FGD3: variants seen among roughly 807,000 people sequenced by gnomAD.
The protein encoded by FGD3 is FYVE, RhoGEF and PH domain containing 3.
FGD3 carries 45 observed loss-of-function variants against 71.8 expected under a neutral mutation model. The ratio of observed to expected loss-of-function variants is 0.63; its 90% confidence interval spans 0.49 to 0.80. The LOEUF is 0.80. FGD3 is among the 30% of genes least tolerant of loss of function. The pLI, the probability that FGD3 is intolerant of heterozygous loss-of-function variation, is 0.00. For missense variants in FGD3, 844 were observed against 951.5 expected (o/e 0.89, Z 1.49); for synonymous variants, 378 against 392.8 (o/e 0.96, Z 0.44).
chr9:92,990,939 A>G (rs914348020), intron 3 of FGD3, among the ~76,000 whole-genome samples: 3 of 152,144 alleles, frequency 2.0e-5, no homozygotes, highest in Non-Finnish European at 4.4e-5. Flanking sequence ...TTGTAAAATG[A>G]GTTAGGAAGA....
At chr9:93,022,812 G>T (rs1385864509) in intron 14 of FGD3, among the ~76,000 whole-genome samples, 1 of 152,110 alleles carries the variant, frequency 6.6e-6, no homozygotes, top group East Asian at 1.9e-4. Context: ...TAATGCAGAG[G>T]ACTGCTTAGT....
rs769761934 is a variant in FGD3, at chr9:93,006,162, C to T, written c.819C>T (p.Asp273=). Residue 273 remains aspartate (D), a synonymous_variant, in exon 6 of 18, where the codon GAC becomes GAT. Transcript: ENST00000375482. ...CCCAGCGCTCCCCACTGTTTAAAGACGTCGTCCACAGCATCCAGGTAAGGC... is the reference window on the plus strand; with the variant it reads ...CCCAGCGCTCCCCACTGTTTAAAGATGTCGTCCACAGCATCCAGGTAAGGC... ...TWTQRSPLFK[D]VVHSIQKQEV... is the part of the protein sequence containing the mutation. 23 of 1,590,426 alleles carry T rather than the reference C, an allele frequency of 1.4e-5. No individual in the cohort carries two copies. The South Asian group carries it at 1.9e-4, about 13-fold the overall frequency.
At chr9:92,976,979 C>T (rs998712318) in intron 3 of FGD3, among the ~76,000 whole-genome samples, 6 of 152,230 alleles carry the variant, frequency 3.9e-5, no homozygotes, top group African/African-American at 7.2e-5. Context: ...GGGCACCTCC[C>T]GACCCTGGGA....
chr9:93,031,869 G>A (rs561506653), intron 15 of FGD3, among the ~76,000 whole-genome samples: 3 of 152,278 alleles, frequency 2.0e-5, no homozygotes, highest in South Asian at 4.1e-4. Context: ...CTGGGAAAAG[G>A]ATCCAGCAGA....
chr9:92,976,205 C>G lies in FGD3; in HGVS notation c.-49-3C>G. ...CTGACTCTGGCTTGTTTCTCCCCTA[C>G]AGGAAGCCCCTGGCCAGCCTCCACC... On this transcript the variant is annotated splice_polypyrimidine_tract_variant and splice_region_variant and intron_variant, in intron 2 of 17. Coordinates refer to ENST00000375482, the MANE Select transcript of FGD3 (RefSeq NM_001083536.2). 6.9e-7 allele frequency: 1 copy of G among 1,448,510 alleles called. No individual in the cohort carries two copies. Among genetic ancestry groups the G allele is most frequent in the Non-Finnish European group, 9.2e-7 (1 of 1,089,886 alleles). The allele number at this position is 1,448,510 out of a possible 1,614,324, so 89.7% of individuals were successfully genotyped here.
intron 1 of FGD3, among the ~76,000 whole-genome samples, chr9:92,961,454 A>G (rs1287622720): frequency 6.6e-6 from 1 of 152,144 alleles, no homozygotes; most frequent in Non-Finnish European, 1.5e-5. Context: ...CCATTGGAAC[A>G]TGAGTGAAAT....
At chr9:93,012,125 G>T (rs970259065) in intron 8 of FGD3, among the ~76,000 whole-genome samples, 1 of 147,256 alleles carries the variant, frequency 6.8e-6, no homozygotes, top group East Asian at 2.0e-4. Context: ...CTGCACTCCA[G>T]CCTGGGCAAC....
intron 8 of FGD3, among the ~76,000 whole-genome samples, chr9:93,011,918 G>A (rs2118745272): frequency 6.6e-6 from 1 of 150,966 alleles, no homozygotes; most frequent in Admixed American, 6.6e-5. Flanking sequence ...CAGCAATTTG[G>A]GAGGCCGAGG....
intron 14 of FGD3, among the ~76,000 whole-genome samples, chr9:93,024,366 A>G (rs1862043070): frequency 6.6e-6 from 1 of 152,242 alleles, no homozygotes; most frequent in Non-Finnish European, 1.5e-5. Flanking sequence ...TCCCACAGCC[A>G]GGGCAGACAT....
Position 92,976,426 on chromosome 9 carries a change from C to A in FGD3, c.170C>A (p.Pro57Gln). The A allele has an allele frequency of 6.2e-7, 1 of 1,611,828 alleles. No homozygotes were observed. Among genetic ancestry groups the A allele is most frequent in the Non-Finnish European group, 8.5e-7 (1 of 1,179,414 alleles). Residue 57 changes from proline (P) to glutamine (Q), a missense_variant, in exon 3 of 18, where the codon CCA becomes CAA. By Grantham distance (76) the Pro-to-Gln change is moderately conservative (BLOSUM62 -1). Transcript: ENST00000375482. ...VSLAAAGDGS[P>Q]DIGPTGELSG... The stretch of plus-strand genomic sequence containing the variant: ...CTGGCTGCAGCAGGGGACGGCTCTC[C>A]AGACATAGGCCCCACGGGAGAGCTG...
intron 3 of FGD3, among the ~76,000 whole-genome samples, chr9:92,988,171 C>T (rs887464744): frequency 6.6e-6 from 1 of 152,210 alleles, no homozygotes; most frequent in East Asian, 1.9e-4. Context: ...GTCCTGCCAA[C>T]AGGCTCCCAC....
chr9:92,965,102 C>G (rs1413575162), intron 1 of FGD3, among the ~76,000 whole-genome samples: 1 of 152,214 alleles, frequency 6.6e-6, no homozygotes, highest in African/African-American at 2.4e-5. Context: ...GTCCCAGCGG[C>G]AGTGGCGGCA....
chr9:92,968,704 C>T (rs1015274083), intron 1 of FGD3, among the ~76,000 whole-genome samples: 1 of 149,800 alleles, frequency 6.7e-6, no homozygotes, highest in African/African-American at 2.5e-5. Flanking sequence ...TGGGTACAAG[C>T]AATTCTCCTG....
intron 3 of FGD3, among the ~76,000 whole-genome samples, 194 bp from the exon 4 acceptor site, chr9:93,002,731 G>A (rs1196293864): frequency 6.6e-6 from 1 of 152,176 alleles, no homozygotes; most frequent in African/African-American, 2.4e-5. Context: ...CAACTGCTCT[G>A]TAGTCAAAGG....
At chr9:93,001,015 A>T (rs1860838661) in intron 3 of FGD3, among the ~76,000 whole-genome samples, 1 of 150,640 alleles carries the variant, frequency 6.6e-6, no homozygotes, top group South Asian at 2.1e-4. Context: ...ATTTCAAATG[A>T]CCTCTCTTCA....
At position 93,032,610 on chromosome 9, in the gene FGD3, C is replaced by A. The variant is rs1289619851; in HGVS notation, c.1681-159C>A. 1.4e-5 allele frequency: 10 copies of A among 712,210 alleles called. No homozygotes were observed. In the Admixed American group the frequency reaches 2.3e-4, roughly 16 times the overall value. 44.1% of individuals were successfully genotyped at this position (712,210 alleles called of 1,614,324 possible). On this transcript the variant is annotated intron_variant, in intron 15 of 17. Transcript: ENST00000375482. ...CCTTGCTCTCTGCCCTCAGACAGGG[C>A]TCCCCTCAAGGAGAAGCTCTTATCC...
intron 9 of FGD3, among the ~76,000 whole-genome samples, chr9:93,015,221 T>C (rs1225861002): frequency 2.0e-5 from 3 of 152,032 alleles, no homozygotes; most frequent in Non-Finnish European, 4.4e-5. Context: ...TTTGGGAGGC[T>C]GAGGTGGGCG....
In FGD3 at chr9:93,013,931, T is replaced by A. The variant is rs1861547380; in HGVS notation, c.1115T>A (p.Ile372Asn). The A allele has an allele frequency of 1.2e-6, 2 of 1,612,362 alleles. No homozygotes were observed. Among genetic ancestry groups the A allele is most frequent in the Non-Finnish European group, 1.7e-6 (2 of 1,179,454 alleles). Residue 372 changes from isoleucine (I) to asparagine (N), a missense_variant, in exon 9 of 18, where the codon ATC becomes AAC. Physicochemically the swap from Ile to Asn is moderately radical, Grantham distance 149. Transcript: ENST00000375482. ...EDIVNPANEL[I>N]KEGQIQKLSA... ...ATTGTCAACCCGGCCAATGAACTGA[T>A]CAAGGAGGGCCAAATCCAGAAACTG...
rs371837808 is a variant in FGD3, at chr9:93,013,917, G to T, written c.1101G>T (p.Pro367=). 55 of 1,613,032 alleles carry T rather than the reference G, an allele frequency of 3.4e-5. No individual in the cohort carries two copies. The highest frequency in any genetic ancestry group is 4.7e-5 in the Non-Finnish European group (55 of 1,179,650). ...GTGGGGAAGAAGACATTGTCAACCC[G>T]GCCAATGAACTGATCAAGGAGGGCC... ...QLGGEEDIVN[P]ANELIKEGQI... is the part of the protein sequence containing the mutation. The change falls in exon 9 of 18, where the codon CCG becomes CCT. Residue 367 remains proline (P), a synonymous_variant. Coordinates refer to ENST00000375482, the MANE Select transcript of FGD3 (RefSeq NM_001083536.2).
Sources: allele counts gnomAD v4.1 joint callset (sites outside exome capture counted in the v4.1 genomes callset), GRCh38; gene constraint gnomAD v4.1.1; transcripts MANE v1.5; gene names NCBI Gene and HGNC (gene_info 2026-07-23, HGNC 2026-07-21).